MAMLD1: variants seen among roughly 807,000 people sequenced by gnomAD.
MAMLD1 encodes mastermind-like domain-containing protein 1.
Under a neutral mutation model 45.0 loss-of-function variants are expected in MAMLD1, and 14 were observed. The ratio of observed to expected loss-of-function variants is 0.31; its 90% confidence interval spans 0.21 to 0.49. The LOEUF (loss-of-function observed/expected upper bound fraction) is 0.49, where lower values mean the gene tolerates loss of function less well. Among genes scored for constraint, MAMLD1 ranks in the 20% least tolerant of loss-of-function variants. MAMLD1 has a pLI of 0.99. For synonymous variants in MAMLD1, 254 were observed against 247.8 expected (o/e 1.02, Z -0.24); for missense variants, 543 against 603.6 (o/e 0.90, Z 1.05).
At chrX:150,403,854 G>GGAAA (rs1240010928) in intron 1 of MAMLD1, among the ~76,000 whole-genome samples, 2 of 80,853 alleles carry the variant, frequency 2.5e-5, no homozygotes, top group African/African-American at 9.3e-5. Flanking sequence ...AGAAAGAGAA[G>GGAAA]GAAAGAAAGA....
In MAMLD1 at chrX:150,404,767, A is replaced by G. The variant is rs1027563816; in HGVS notation, c.-63-40687A>G. Among the ~76,000 whole-genome samples the G allele has an allele frequency of 8.9e-5, 10 of 111,975 alleles. No homozygotes were observed. The Admixed American group carries it at 9.5e-4, about 11-fold the overall frequency. On this transcript the variant is annotated intron_variant, in intron 1 of 7. Transcript: ENST00000370401. Reference sequence around the variant, plus strand: ...GAGTTTTGTATAAATGCAACCATAGAATAGGGAATCCTTTATGCCTGGTTT... The same window carrying G: ...GAGTTTTGTATAAATGCAACCATAGGATAGGGAATCCTTTATGCCTGGTTT...
At chrX:150,486,224 C>A (rs953270914) in intron 5 of MAMLD1, among the ~76,000 whole-genome samples, 2 of 111,931 alleles carry the variant, frequency 1.8e-5, no homozygotes, top group Non-Finnish European at 3.8e-5. Context: ...CCCTTGTGGG[C>A]ACAAGATAGT....
At chrX:150,403,980 GA>G (rs1557402587) in intron 1 of MAMLD1, among the ~76,000 whole-genome samples, 1 of 90,632 alleles carries the variant, frequency 1.1e-5, no homozygotes, top group African/African-American at 4.1e-5. Context: ...AAGAAAGAAA[GA>G]AAGAAAGAAA....
chrX:150,362,370 G>C (rs182471700), upstream of MAMLD1, among the ~76,000 whole-genome samples: 5 of 110,911 alleles, frequency 4.5e-5, no homozygotes, highest in East Asian at 1.2e-3. Context: ...GTCCTCTGGG[G>C]ATCTGTCATT....
chrX:150,460,426 T>A (rs1212350939), intron 2 of MAMLD1, among the ~76,000 whole-genome samples: 1 of 112,367 alleles, frequency 8.9e-6, no homozygotes, highest in African/African-American at 3.2e-5. Flanking sequence ...AGAAATGGAA[T>A]CACCTCAAGT....
chrX:150,425,732 A>G (rs1305186156), intron 1 of MAMLD1, among the ~76,000 whole-genome samples: 1 of 111,606 alleles, frequency 9.0e-6, no homozygotes, highest in Admixed American at 9.5e-5. Flanking sequence ...TTCTCTCACA[A>G]GAATTTACAG....
chrX:150,398,337 A>AAGAGGAAGAGGAAGAG (rs2033587509), intron 1 of MAMLD1, among the ~76,000 whole-genome samples: 1 of 52,292 alleles, frequency 1.9e-5, no homozygotes, highest in African/African-American at 7.4e-5. Flanking sequence ...AAGAAGAAGA[A>AAGAGGAAGAGGAAGAG]GAAGAGGAAG....
At chrX:150,381,943 T>C (rs1484366982) in intron 1 of MAMLD1, among the ~76,000 whole-genome samples, 1 of 111,372 alleles carries the variant, frequency 9.0e-6, no homozygotes, top group African/African-American at 3.3e-5. Context: ...TTTTGTCCAA[T>C]ATGTAATTTG....
rs2032788652 is a variant in MAMLD1 at position 150,383,823 on chromosome X, T to A, written c.-64+20293T>A. On this transcript the variant is annotated intron_variant, in intron 1 of 7. Coordinates refer to ENST00000370401, the MANE Select transcript of MAMLD1 (RefSeq NM_005491.5). ...ATGCTTTCGGTCTATATGGATTTAC[T>A]TATTCTAGGTATTTCCTATAAATAA... Among the ~76,000 whole-genome samples, 3 of 111,934 alleles carry A rather than the reference T, an allele frequency of 2.7e-5. No individual in the cohort carries two copies. The South Asian group carries it at 1.1e-3, about 41-fold the overall frequency.
intron 5 of MAMLD1, among the ~76,000 whole-genome samples, chrX:150,481,964 AAAAGAAAGAAAGAAAGAAAGAAAGAAAG>A (rs57124938): frequency 7.6e-4 from 43 of 56,591 alleles, no homozygotes; most frequent in African/African-American, 2.4e-3. Context: ...AAAGAAAGAA[AAAAGAAAGAAAGAAAGAAAGAAAGAAAG>A]AAAGAAAGAA....
At chrX:150,365,172 G>A (rs996427338) in intron 1 of MAMLD1, among the ~76,000 whole-genome samples, 5 of 110,404 alleles carry the variant, frequency 4.5e-5, no homozygotes, top group Admixed American at 1.9e-4. Context: ...TTCCCAGGAG[G>A]CTGGAGAGAG....
chrX:150,468,840 C>T lies in MAMLD1; in HGVS notation c.172-905C>T, dbSNP rs372126036. ...TTTTTTAAATTTTTGGATTATGAGT[C>T]GTTCTCGTTAAAGACAAACAAGCAG... On this transcript the variant is annotated intron_variant, in intron 3 of 7. Coordinates refer to ENST00000370401, the MANE Select transcript of MAMLD1 (RefSeq NM_005491.5). 1.7e-4 allele frequency among the ~76,000 whole-genome samples: 19 copies of T among 110,930 alleles called. No homozygotes were observed. In the East Asian group the frequency reaches 5.1e-3, roughly 30 times the overall value.
At position 150,469,653 on chromosome X, in the gene MAMLD1, C is replaced by G. The variant is rs111670672; in HGVS notation, c.172-92C>G. 1,624 of 480,737 alleles carry G rather than the reference C, an allele frequency of 3.4e-3. 2 individuals carry two copies. Among genetic ancestry groups the G allele is most frequent in the East Asian group, 0.011 (248 of 23,338 alleles). The allele number at this position is 480,737 out of a possible 1,213,427, so 39.6% of individuals were successfully genotyped here. A position where few individuals can be genotyped will look rare whatever the true frequency, so the allele number is the denominator to read the frequency against. On this transcript the variant is annotated intron_variant, in intron 3 of 7. Transcript: ENST00000370401. ...TCTCTCTGTCTCTCTCTCTCTCTCTCTCTGTGTGTGTGTGTGTGTGTGTGT... is the reference window on the plus strand; with the variant it reads ...TCTCTCTGTCTCTCTCTCTCTCTCTGTCTGTGTGTGTGTGTGTGTGTGTGT...
At chrX:150,389,659 G>A (rs782156195) in intron 1 of MAMLD1, among the ~76,000 whole-genome samples, 12 of 112,133 alleles carry the variant, frequency 1.1e-4, no homozygotes, top group Non-Finnish European at 2.1e-4. Context: ...TTCAGTTGAC[G>A]ATGTATTGTT....
At chrX:150,391,629 T>A (rs1368849296) in intron 1 of MAMLD1, among the ~76,000 whole-genome samples, 1 of 111,898 alleles carries the variant, frequency 8.9e-6, no homozygotes, top group Non-Finnish European at 1.9e-5. Flanking sequence ...TTGTGATTGC[T>A]GGTTGAGCAT....
intron 1 of MAMLD1, among the ~76,000 whole-genome samples, chrX:150,389,758 G>C (rs1486548257): frequency 8.9e-6 from 1 of 111,911 alleles, no homozygotes; most frequent in Non-Finnish European, 1.9e-5. Flanking sequence ...TTGTAGATTT[G>C]TCCATTTCTC....
chrX:150,416,446 C>G (rs1557403049), intron 1 of MAMLD1, among the ~76,000 whole-genome samples: 1,209 of 112,138 alleles, frequency 0.011, 13 homozygotes, highest in Non-Finnish European at 0.017. Context: ...TGTCAGTTTT[C>G]CCTTCCAGCT....
intron 1 of MAMLD1, among the ~76,000 whole-genome samples, chrX:150,391,063 C>T (rs4828563): frequency 0.03 from 3,296 of 111,719 alleles, 45 homozygotes; most frequent in East Asian, 0.091. Flanking sequence ...AGTAATGTGC[C>T]ATTATTCTCT....
At chrX:150,374,447 T>C (rs782605251) in intron 1 of MAMLD1, among the ~76,000 whole-genome samples, 6 of 112,605 alleles carry the variant, frequency 5.3e-5, no homozygotes, top group Non-Finnish European at 1.1e-4. Context: ...CCTGTAAATA[T>C]CAGGCTCAGG....
Sources: gnomAD v4.1 joint callset for allele counts (sites outside exome capture counted in the v4.1 genomes callset) on GRCh38, gnomAD v4.1.1 for gene constraint, MANE v1.5 for transcripts, NCBI Gene and HGNC (gene_info 2026-07-23, HGNC 2026-07-21) for gene names.